ZIM2: variants seen among roughly 807,000 people sequenced by gnomAD.
The protein encoded by ZIM2 is zinc finger protein 656.
ZIM2 carries 14 observed loss-of-function variants against 38.6 expected under a neutral mutation model. The ratio of observed to expected loss-of-function variants is 0.36; its 90% CI spans 0.24 to 0.57. ZIM2 has a LOEUF of 0.57. Among genes scored for constraint, ZIM2 ranks in the 20% least tolerant of loss-of-function variants. The pLI is 0.81. For synonymous variants in ZIM2, 247 were observed against 245.8 expected, an observed-to-expected ratio of 1.00 and a Z score of -0.04; for missense variants, 680 against 695.1, an observed-to-expected ratio of 0.98 and a Z score of 0.24.
At chr19:56,822,479 T>G (rs2060592579) in intron 6 of ZIM2, 2 of 393,582 alleles carry the variant, frequency 5.1e-6, no homozygotes, top group Non-Finnish European at 4.4e-6. Flanking sequence ...GCATAGTCTT[T>G]CATACAGAAA....
intron 1 of ZIM2, among the ~76,000 whole-genome samples, chr19:56,837,027 G>A (rs960279908): frequency 1.3e-5 from 2 of 148,874 alleles, no homozygotes; most frequent in Non-Finnish European, 3.0e-5. Flanking sequence ...GGAAGGAAGC[G>A]TCATATGTGT....
intron 9 of ZIM2, among the ~76,000 whole-genome samples, chr19:56,806,500 A>G (rs1194039697): frequency 6.6e-6 from 1 of 152,212 alleles, no homozygotes; most frequent in African/African-American, 2.4e-5. Flanking sequence ...TGGACCAGAC[A>G]TTAGTCACAT....
chr19:56,833,270 C>A, intron 2 of ZIM2: 1 of 459,608 alleles, frequency 2.2e-6, no homozygotes, highest in East Asian at 6.5e-5. Flanking sequence ...AGATTCAGCC[C>A]CCTAACTCGT....
chr19:56,809,084 C>T (rs895657802), intron 9 of ZIM2, among the ~76,000 whole-genome samples: 2 of 152,126 alleles, frequency 1.3e-5, no homozygotes, highest in Non-Finnish European at 2.9e-5. Flanking sequence ...AAGGATTGGT[C>T]AAACAACCCC....
chr19:56,837,354 A>G (rs2062268288), intron 1 of ZIM2, among the ~76,000 whole-genome samples: 1 of 152,176 alleles, frequency 6.6e-6, no homozygotes, highest in African/African-American at 2.4e-5. Context: ...CAGCTGTACG[A>G]TTTTGAGTGA....
chr19:56,817,161 G>A (rs908154377), intron 9 of ZIM2: 11 of 1,614,060 alleles, frequency 6.8e-6, no homozygotes, highest in South Asian at 3.3e-5. Context: ...GGCTGCTCAC[G>A]CTCATGGCTT....
At chr19:56,823,246 C>T (rs545811840) in intron 5 of ZIM2, among the ~76,000 whole-genome samples, 10 of 152,288 alleles carry the variant, frequency 6.6e-5, no homozygotes, top group African/African-American at 2.2e-4. Context: ...AACACACACA[C>T]CCTCCCTGAA....
chr19:56,824,158 C>G, intron 4 of ZIM2, 104 bp downstream of exon 4: 1 of 1,516,160 alleles, frequency 6.6e-7, no homozygotes, highest in Non-Finnish European at 8.8e-7. Context: ...CTGCCCAGGA[C>G]AGAGAGTTAT....
chr19:56,834,825 T>C (rs190531096), intron 2 of ZIM2, among the ~76,000 whole-genome samples: 1 of 152,286 alleles, frequency 6.6e-6, no homozygotes, highest in Admixed American at 6.5e-5. Flanking sequence ...CTTACTCTTC[T>C]TGTGATGGGA....
At chr19:56,804,694 T>C (rs768688545) in intron 9 of ZIM2, among the ~76,000 whole-genome samples, 1 of 152,204 alleles carries the variant, frequency 6.6e-6, no homozygotes. Flanking sequence ...GGGTTAGGAT[T>C]AGAAGTGTGC....
At chr19:56,778,828 A>G (rs2046164667) in intron 12 of ZIM2, among the ~76,000 whole-genome samples, 1 of 152,180 alleles carries the variant, frequency 6.6e-6, no homozygotes, top group South Asian at 2.1e-4. Context: ...ATTAGACTGT[A>G]GCCATAGAGT....
rs773746910 is a variant in ZIM2, at chr19:56,824,418, G to C, written c.-141C>G. 1.2e-6 allele frequency: 2 copies of C among 1,614,008 alleles called. No individual in the cohort carries two copies. Among genetic ancestry groups the C allele is most frequent in the African/African-American group, 1.3e-5 (1 of 74,918 alleles). On this transcript the variant is annotated 5_prime_UTR_variant, in exon 4 of 13. Coordinates refer to ENST00000629319, the MANE Select transcript of ZIM2 (RefSeq NM_001387356.1). ...AGCTCGATGATCTCCTCCTTGGTGC[G>C]GGTCTCCGGCTGCAACCAATCGAGG...
chr19:56,824,916 C>A (rs1487988396), intron 3 of ZIM2: 4 of 419,246 alleles, frequency 9.5e-6, no homozygotes, highest in African/African-American at 2.0e-5. Context: ...GACCTCTGGG[C>A]TTCACAGAGA....
intron 3 of ZIM2, chr19:56,824,835 G>A: frequency 1.7e-6 from 1 of 594,564 alleles, no homozygotes; most frequent in South Asian, 2.3e-5. Context: ...AATGCTTTTG[G>A]GATATGGGAG....
intron 1 of ZIM2, among the ~76,000 whole-genome samples, chr19:56,838,197 G>T (rs924234122): frequency 2.0e-5 from 3 of 152,206 alleles, no homozygotes; most frequent in Admixed American, 6.5e-5. Flanking sequence ...TCAAACCAGT[G>T]CCTGTGTAAC....
At chr19:56,819,286 G>A (rs1236791327) in intron 7 of ZIM2, among the ~76,000 whole-genome samples, 1 of 152,208 alleles carries the variant, frequency 6.6e-6, no homozygotes, top group African/African-American at 2.4e-5. Context: ...TACATTGAGG[G>A]AGTCTCCAGT....
chr19:56,796,256 TA>T (rs2047221009), intron 9 of ZIM2, among the ~76,000 whole-genome samples: 1 of 152,240 alleles, frequency 6.6e-6, no homozygotes, highest in Non-Finnish European at 1.5e-5. Flanking sequence ...TGCTTAGGCA[TA>T]CTTTAAATCA....
chr19:56,819,863 A>AG (rs2060310310), intron 7 of ZIM2, among the ~76,000 whole-genome samples: 1 of 152,218 alleles, frequency 6.6e-6, no homozygotes, highest in African/African-American at 2.4e-5. Flanking sequence ...AGCAAAAAAA[A>AG]GAGGACTTGC....
rs1440759227 is a variant in ZIM2, at chr19:56,816,336, C to A, written c.490+1410G>T. 4 of 1,614,146 alleles carry A rather than the reference C, an allele frequency of 2.5e-6. No individual in the cohort carries two copies. The South Asian group carries it at 4.4e-5, about 18-fold the overall frequency. On this transcript the variant is annotated intron_variant, in intron 9 of 12. Coordinates refer to ENST00000629319, the MANE Select transcript of ZIM2 (RefSeq NM_001387356.1). ...TCTTTCGAGAATGAATTTTCTGATG[C>A]TCACTGAGCTCTGAGCTTTGCATGA... is the stretch of plus-strand genomic sequence containing the variant.
Sources: allele counts gnomAD v4.1 joint callset (sites outside exome capture counted in the v4.1 genomes callset), GRCh38; gene constraint gnomAD v4.1.1; transcripts MANE v1.5; gene names NCBI Gene and HGNC (gene_info 2026-07-23, HGNC 2026-07-21).